The following ZNF875 variants were observed in gnomAD, a reference collection of about 807,000 sequenced individuals.
ZNF875 encodes zinc finger protein 875.
In ZNF875, 14 loss-of-function variants were observed where a neutral mutation model predicts 11.2. The observed-to-expected ratio is 1.26, with a 90% CI of 0.83 to 1.96. The LOEUF (loss-of-function observed/expected upper bound fraction) is 1.96. ZNF875 is among the 30% of genes most tolerant of loss of function. ZNF875 has a pLI of 0.00. For synonymous variants in ZNF875, 301 were observed against 281.1 expected (o/e 1.07, Z -0.71); for missense variants, 752 against 760.4 (o/e 0.99, Z 0.13).
chr19:37,361,917 AAAAAAAAC>A (rs1464086728), intron 4 of ZNF875, 184 bp from the exon 5 acceptor site: 4 of 504,786 alleles, frequency 7.9e-6, no homozygotes, highest in Admixed American at 4.3e-5. Context: ...TCCGTTTAAA[AAAAAAAAC>A]AAAAAAACAA....
At chr19:37,352,055 G>A (rs1452035766) in intron 4 of ZNF875, among the ~76,000 whole-genome samples, 1 of 152,154 alleles carries the variant, frequency 6.6e-6, no homozygotes, top group African/African-American at 2.4e-5. Context: ...TGATCTCTAA[G>A]GTTTTGATTC....
chr19:37,325,714 T>TC (rs2032321095), intron 4 of ZNF875, among the ~76,000 whole-genome samples: 2 of 148,978 alleles, frequency 1.3e-5, no homozygotes, highest in Admixed American at 6.7e-5. Context: ...CCATGCTAAT[T>TC]TTTTTTTTTT....
chr19:37,356,196 A>G (rs13345116), intron 4 of ZNF875, among the ~76,000 whole-genome samples: 1 of 152,018 alleles, frequency 6.6e-6, no homozygotes, highest in Non-Finnish European at 1.5e-5. Flanking sequence ...GCCTATACGA[A>G]GATTCCATGA....
chr19:37,336,482 G>A (rs2145940171), intron 2 of ZNF875, among the ~76,000 whole-genome samples: 1 of 150,394 alleles, frequency 6.6e-6, no homozygotes, highest in South Asian at 2.1e-4. Context: ...TGTATTTTTA[G>A]TAGAGACGGG....
rs543245100 is a variant in ZNF875, at chr19:37,349,234, A to G, written c.256+1362A>G. 2.0e-5 allele frequency among the ~76,000 whole-genome samples: 3 copies of G among 152,306 alleles called. No homozygotes were observed. The South Asian group carries it at 6.2e-4, about 32-fold the overall frequency. ...CCTCATCTTAACTAATTACATCTGC[A>G]ACAACCCTGTTTCCAAATAAGTTCA... is the stretch of plus-strand genomic sequence containing the variant. On this transcript the variant is annotated intron_variant, in intron 4 of 4. Coordinates refer to ENST00000392153, the MANE Select transcript of ZNF875 (RefSeq NM_001353803.2).
chr19:37,332,305 T>G (rs2033525965), upstream of ZNF875, among the ~76,000 whole-genome samples: 1 of 151,524 alleles, frequency 6.6e-6, no homozygotes, highest in South Asian at 2.1e-4. Flanking sequence ...TGTCTTTTTC[T>G]TTTCCAAATC....
chr19:37,349,342 C>CA (rs1445195181), intron 4 of ZNF875, among the ~76,000 whole-genome samples: 1 of 152,170 alleles, frequency 6.6e-6, no homozygotes, highest in Non-Finnish European at 1.5e-5. Flanking sequence ...TGCTTACACT[C>CA]ACATAGCATT....
intron 4 of ZNF875, among the ~76,000 whole-genome samples, chr19:37,358,304 C>T (rs1452166255): frequency 3.3e-5 from 5 of 150,940 alleles, no homozygotes; most frequent in Non-Finnish European, 7.4e-5. Context: ...CACCACCAAG[C>T]CTGGCTATAT....
intron 4 of ZNF875, among the ~76,000 whole-genome samples, chr19:37,360,398 A>G (rs552917331): frequency 6.6e-6 from 1 of 152,272 alleles, no homozygotes; most frequent in South Asian, 2.1e-4. Flanking sequence ...TGTTTTGTCT[A>G]TTTTATGTCC....
intron 4 of ZNF875, among the ~76,000 whole-genome samples, chr19:37,348,317 A>G (rs999815121): frequency 9.9e-5 from 15 of 152,210 alleles, no homozygotes; most frequent in African/African-American, 3.6e-4. Flanking sequence ...TCATGTGCCA[A>G]TGTCCCAGCT....
chr19:37,320,838 A>G (rs2031270439), intron 1 of ZNF875, among the ~76,000 whole-genome samples: 1 of 152,204 alleles, frequency 6.6e-6, no homozygotes, highest in African/African-American at 2.4e-5. Context: ...GTGTAGAAAG[A>G]AGTAGACATA....
chr19:37,350,760 C>G (rs892050480), intron 4 of ZNF875, among the ~76,000 whole-genome samples: 2 of 149,322 alleles, frequency 1.3e-5, no homozygotes, highest in Non-Finnish European at 3.0e-5. Flanking sequence ...TAACCCCTGG[C>G]AACTACTGAT....
At chr19:37,319,749 G>A (rs1318904838) in intron 1 of ZNF875, among the ~76,000 whole-genome samples, 1 of 152,052 alleles carries the variant, frequency 6.6e-6, no homozygotes, top group Non-Finnish European at 1.5e-5. Flanking sequence ...AACTAAGACC[G>A]GCTATCCCTC....
chr19:37,334,638 A>G (rs1199027683), upstream of ZNF875: 1 of 455,560 alleles, frequency 2.2e-6, no homozygotes, highest in African/African-American at 2.0e-5. Flanking sequence ...TGTAGCGTTG[A>G]CGTCAGAAAC....
rs1052513583 is a variant in ZNF875, at chr19:37,362,934, C to A, written c.1082C>A (p.Thr361Asn). The A allele has an allele frequency of 6.2e-7, 1 of 1,614,084 alleles. No individual in the cohort carries two copies. The highest frequency in any genetic ancestry group is 8.5e-7 in the Non-Finnish European group (1 of 1,180,014). The change falls in exon 5 of 5, where the codon ACT becomes AAT. Residue 361 changes from threonine (T) to asparagine (N), a missense_variant. Physicochemically the swap from Thr to Asn is moderately conservative, Grantham distance 65. Coordinates refer to ENST00000392153, the MANE Select transcript of ZNF875 (RefSeq NM_001353803.2). Reference sequence around the variant, plus strand: ...CTCATTACCCACCAGAGGGCGCACACTGGGGAGAAGCCTTATGTTTGCAGG... The same window carrying A: ...CTCATTACCCACCAGAGGGCGCACAATGGGGAGAAGCCTTATGTTTGCAGG... The part of the protein sequence containing the change: ...SNLITHQRAH[T>N]GEKPYVCREC...
At chr19:37,316,257 C>A (rs930507491), upstream of ZNF875, among the ~76,000 whole-genome samples, 1 of 152,244 alleles carries the variant, frequency 6.6e-6, no homozygotes, top group Non-Finnish European at 1.5e-5. Flanking sequence ...TAGGTAGAAA[C>A]GTGCACATTG....
At position 37,334,732 on chromosome 19, in the gene ZNF875, C is replaced by T. The variant is rs2033939757; in HGVS notation, c.-107C>T. On this transcript the variant is annotated 5_prime_UTR_variant, in exon 1 of 5. Coordinates refer to ENST00000392153, the MANE Select transcript of ZNF875 (RefSeq NM_001353803.2). ...TTAAGGTCTTTCCCACACCTCTGCA[C>T]CTTGTTACCTGACTTTCGGCTTCAG... 1 of 456,038 alleles carries T rather than the reference C, an allele frequency of 2.2e-6. No homozygotes were observed. Among genetic ancestry groups the T allele is most frequent in the African/African-American group, 2.0e-5 (1 of 50,090 alleles). 28.2% of individuals were successfully genotyped at this position (456,038 alleles called of 1,614,324 possible).
chr19:37,354,844 C>A (rs1187692892), intron 4 of ZNF875, among the ~76,000 whole-genome samples: 1 of 152,168 alleles, frequency 6.6e-6, no homozygotes, highest in Non-Finnish European at 1.5e-5. Flanking sequence ...CATGCACTTG[C>A]TTTCCCTTCC....
At chr19:37,343,904 C>T (rs2036266599) in intron 2 of ZNF875, among the ~76,000 whole-genome samples, 2 of 152,196 alleles carry the variant, frequency 1.3e-5, no homozygotes, top group South Asian at 4.1e-4. Context: ...CAATAAGTAA[C>T]TTAGCCTATA....
Sources: allele counts gnomAD v4.1 joint callset (sites outside exome capture counted in the v4.1 genomes callset), GRCh38; gene constraint gnomAD v4.1.1; transcripts MANE v1.5; gene names NCBI Gene and HGNC (gene_info 2026-07-23, HGNC 2026-07-21).